The following PAK5 variants were observed in gnomAD, a reference collection of about 807,000 sequenced individuals.
PAK5 encodes p21 (RAC1) activated kinase 5.
Under a neutral mutation model 65.9 loss-of-function variants are expected in PAK5, and 16 were observed. That is an observed-to-expected ratio of 0.24 (90% CI 0.16 to 0.37). The LOEUF is 0.37. PAK5 is among the 10% of genes least tolerant of loss of function. The pLI is 1.00. For missense variants in PAK5, 785 were observed against 903.9 expected, an observed-to-expected ratio of 0.87 and a Z score of 1.69; for synonymous variants, 371 against 354.9, an observed-to-expected ratio of 1.05 and a Z score of -0.51.
At chr20:9,692,797 A>T (rs2047814945) in intron 2 of PAK5, among the ~76,000 whole-genome samples, 2 of 151,750 alleles carry the variant, frequency 1.3e-5, no homozygotes, top group African/African-American at 4.8e-5. Flanking sequence ...CACCTGGGCC[A>T]ATCAATACCA....
intron 1 of PAK5, among the ~76,000 whole-genome samples, chr20:9,742,536 C>T (rs2048461533): frequency 6.6e-6 from 1 of 152,158 alleles, no homozygotes; most frequent in East Asian, 1.9e-4. Flanking sequence ...TCAGTATAAG[C>T]AAATATACCA....
chr20:9,644,056 A>G, intron 3 of PAK5, 69 bp downstream of exon 3: 1 of 1,153,202 alleles, frequency 8.7e-7, no homozygotes, highest in East Asian at 2.3e-5. Context: ...CTTGCTTATA[A>G]AGCTGATGCA....
At chr20:9,645,967 A>G (rs2047129154) in intron 2 of PAK5, among the ~76,000 whole-genome samples, 2 of 152,338 alleles carry the variant, frequency 1.3e-5, no homozygotes, top group African/African-American at 4.8e-5. Context: ...TGGTGTGCTC[A>G]GTGTCTGTTT....
At chr20:9,743,006 T>G (rs2048466113) in intron 1 of PAK5, among the ~76,000 whole-genome samples, 1 of 152,140 alleles carries the variant, frequency 6.6e-6, no homozygotes, top group Non-Finnish European at 1.5e-5. Flanking sequence ...TAGCTGGAAT[T>G]TATGAGACAT....
At chr20:9,739,625 A>T (rs921489846) in intron 1 of PAK5, among the ~76,000 whole-genome samples, 6 of 152,102 alleles carry the variant, frequency 3.9e-5, no homozygotes, top group Admixed American at 3.3e-4. Flanking sequence ...TTCGATATGA[A>T]CCTGTACCTC....
At chr20:9,778,630 G>T (rs1194798792) in intron 1 of PAK5, among the ~76,000 whole-genome samples, 3 of 152,102 alleles carry the variant, frequency 2.0e-5, no homozygotes, top group Admixed American at 2.0e-4. Flanking sequence ...CCATTTGATA[G>T]TTCACCCTCT....
chr20:9,648,642 T>G (rs1035518980), intron 2 of PAK5, among the ~76,000 whole-genome samples: 1 of 152,160 alleles, frequency 6.6e-6, no homozygotes, highest in African/African-American at 2.4e-5. Flanking sequence ...AACTCTTTTC[T>G]GCAGAGGAGG....
chr20:9,781,265 A>G (rs1569085508), intron 1 of PAK5, among the ~76,000 whole-genome samples: 1 of 152,146 alleles, frequency 6.6e-6, no homozygotes, highest in Non-Finnish European at 1.5e-5. Flanking sequence ...TACTGCTGAT[A>G]GGATGGACCA....
intron 1 of PAK5, among the ~76,000 whole-genome samples, chr20:9,760,026 T>C (rs897107886): frequency 6.6e-5 from 10 of 152,212 alleles, no homozygotes; most frequent in Admixed American, 6.5e-4. Context: ...CCAGGGCTTA[T>C]ATTGAAAGTG....
At chr20:9,762,358 T>G (rs78370076) in intron 1 of PAK5, among the ~76,000 whole-genome samples, 1,919 of 152,236 alleles carry the variant, frequency 0.013, 44 homozygotes, top group African/African-American at 0.044. Context: ...TTTGCAAATC[T>G]TGTATCTGAT....
chr20:9,780,074 T>A (rs1159857358), intron 1 of PAK5, among the ~76,000 whole-genome samples: 1 of 152,140 alleles, frequency 6.6e-6, no homozygotes, highest in Non-Finnish European at 1.5e-5. Context: ...ATTTTCTGCA[T>A]GCTTTGGAGA....
intron 3 of PAK5, among the ~76,000 whole-genome samples, chr20:9,641,294 G>A (rs1292665966): frequency 6.7e-6 from 1 of 149,080 alleles, no homozygotes; most frequent in African/African-American, 2.5e-5. Flanking sequence ...GCCGATTGGT[G>A]TATTTACAAT....
chr20:9,658,948 G>A (rs2047307083), intron 2 of PAK5, among the ~76,000 whole-genome samples: 1 of 152,142 alleles, frequency 6.6e-6, no homozygotes, highest in African/African-American at 2.4e-5. Flanking sequence ...ATCACACTGA[G>A]ATCTTCTGCC....
At chr20:9,602,354 T>TA (rs2046377145) in intron 3 of PAK5, among the ~76,000 whole-genome samples, 1 of 151,898 alleles carries the variant, frequency 6.6e-6, no homozygotes, top group Admixed American at 6.6e-5. Flanking sequence ...TAAACTCCAG[T>TA]AATGTCTGAA....
intron 3 of PAK5, among the ~76,000 whole-genome samples, chr20:9,633,760 C>G (rs145247600): frequency 0.01 from 1,584 of 152,320 alleles, 6 homozygotes; most frequent in Non-Finnish European, 0.016. Context: ...CTATCACTTC[C>G]TCCCAGGAGT....
At chr20:9,661,444 C>A (rs2047345393) in intron 2 of PAK5, among the ~76,000 whole-genome samples, 2 of 152,142 alleles carry the variant, frequency 1.3e-5, no homozygotes, top group South Asian at 4.1e-4. Flanking sequence ...ATCTCATTAT[C>A]TGTTGCAGAA....
At chr20:9,581,067 A>C in intron 3 of PAK5, 137 bp from the exon 4 acceptor site, 1 of 631,488 alleles carries the variant, frequency 1.6e-6, no homozygotes, top group Non-Finnish European at 2.7e-6. Flanking sequence ...CAAAATGATA[A>C]AGAAAATGTG....
At chr20:9,729,427 T>G (rs1456877014) in intron 1 of PAK5, among the ~76,000 whole-genome samples, 2 of 152,152 alleles carry the variant, frequency 1.3e-5, no homozygotes, top group Non-Finnish European at 2.9e-5. Flanking sequence ...TACTGCTGGT[T>G]GTTGTCTCAA....
rs2045969406 is a variant in PAK5 at position 9,580,907 on chromosome 20, G to T, written c.228C>A (p.Pro76=). Reference sequence around the variant, plus strand: ...GGCCGTTGATGGAGGTTTCCTTGCAGGGTTTGTTTCCTCTAACGATTGTCT... The same window carrying T: ...GGCCGTTGATGGAGGTTTCCTTGCATGGTTTGTTTCCTCTAACGATTGTCT... The part of the protein sequence containing the change: ...PMKTIVRGNK[P]CKETSINGLL... The change falls in exon 4 of 10, where the codon CCC becomes CCA. Residue 76 remains proline, a synonymous_variant. Coordinates refer to ENST00000353224, the MANE Select transcript of PAK5 (RefSeq NM_177990.4). 1 of 1,599,510 alleles carries T rather than the reference G, an allele frequency of 6.3e-7. No homozygotes were observed. Among genetic ancestry groups the T allele is most frequent in the Admixed American group, 1.8e-5 (1 of 57,060 alleles).
Sources: allele counts gnomAD v4.1 joint callset (sites outside exome capture counted in the v4.1 genomes callset), GRCh38; gene constraint gnomAD v4.1.1; transcripts MANE v1.5; gene names NCBI Gene and HGNC (gene_info 2026-07-23, HGNC 2026-07-21).